GLT1D1: variants seen among roughly 807,000 people sequenced by gnomAD.
The protein encoded by GLT1D1 is glycosyltransferase 1 domain-containing protein 1.
GLT1D1 carries 21 observed loss-of-function variants against 28.7 expected under a neutral mutation model. The observed-to-expected ratio is 0.73, with a 90% CI of 0.52 to 1.05. GLT1D1 has a LOEUF of 1.05. Among genes scored for constraint, GLT1D1 ranks in the 50% least tolerant of loss-of-function variants. GLT1D1 has a pLI of 0.00. For synonymous variants in GLT1D1, 147 were observed against 124.8 expected, an observed-to-expected ratio of 1.18 and a Z score of -1.19; for missense variants, 343 against 330.6, an observed-to-expected ratio of 1.04 and a Z score of -0.29.
chr12:128,942,890 A>G (rs1875509906), intron 4 of GLT1D1, among the ~76,000 whole-genome samples: 1 of 151,944 alleles, frequency 6.6e-6, no homozygotes, highest in South Asian at 2.1e-4. Flanking sequence ...AGCTGGGGCT[A>G]CAGGCGCGCC....
intron 6 of GLT1D1, among the ~76,000 whole-genome samples, chr12:128,952,572 T>G (rs1876820710): frequency 6.6e-6 from 1 of 151,166 alleles, no homozygotes. Flanking sequence ...GTTCAAGTGA[T>G]TCTCCTGCCT....
chr12:128,865,560 C>A (rs1378018472), intron 1 of GLT1D1, among the ~76,000 whole-genome samples: 4 of 152,146 alleles, frequency 2.6e-5, no homozygotes, highest in Non-Finnish European at 4.4e-5. Context: ...CGGTGGCTCA[C>A]GCCTGTAATC....
At chr12:128,972,329 G>T (rs1006504260) in intron 7 of GLT1D1, among the ~76,000 whole-genome samples, 4 of 152,388 alleles carry the variant, frequency 2.6e-5, no homozygotes, top group African/African-American at 9.6e-5. Flanking sequence ...GTAGGTAGCT[G>T]CGGGAGAGAG....
intron 6 of GLT1D1, among the ~76,000 whole-genome samples, chr12:128,949,227 A>G (rs1876442280): frequency 1.3e-5 from 2 of 152,228 alleles, no homozygotes; most frequent in Non-Finnish European, 2.9e-5. Flanking sequence ...GAATGATTTT[A>G]TAACTAGCAC....
At chr12:128,866,432 C>T (rs1424249417) in intron 1 of GLT1D1, among the ~76,000 whole-genome samples, 1 of 151,808 alleles carries the variant, frequency 6.6e-6, no homozygotes, top group Non-Finnish European at 1.5e-5. Context: ...TTGAAATATA[C>T]AGTATGTTAT....
chr12:128,879,356 G>A (rs1956946634), intron 2 of GLT1D1, among the ~76,000 whole-genome samples: 2 of 141,902 alleles, frequency 1.4e-5, no homozygotes, highest in Non-Finnish European at 3.1e-5. Flanking sequence ...TTTCTGTAAA[G>A]TGATACTTAT....
At chr12:128,877,765 T>C (rs1053580987) in intron 2 of GLT1D1, among the ~76,000 whole-genome samples, 1 of 152,254 alleles carries the variant, frequency 6.6e-6, no homozygotes, top group Admixed American at 6.5e-5. Flanking sequence ...CCCAACTTAG[T>C]TGCTTATCGC....
At chr12:128,901,736 C>T (rs1259104428) in intron 4 of GLT1D1, among the ~76,000 whole-genome samples, 1 of 150,960 alleles carries the variant, frequency 6.6e-6, no homozygotes, top group Non-Finnish European at 1.5e-5. Context: ...TGCCTGGTCC[C>T]TCTTTTTTTT....
At chr12:128,911,816 C>T (rs1483159785) in intron 4 of GLT1D1, among the ~76,000 whole-genome samples, 3 of 152,046 alleles carry the variant, frequency 2.0e-5, no homozygotes, top group Non-Finnish European at 4.4e-5. Flanking sequence ...TATCCATATC[C>T]GTCATGCAAG....
intron 3 of GLT1D1, among the ~76,000 whole-genome samples, chr12:128,891,105 C>CA (rs63056260): frequency 0.38 from 44,323 of 115,478 alleles, 7,468 homozygotes; most frequent in Admixed American, 0.48. Flanking sequence ...GACACTGTCT[C>CA]AAAAAAAAAA....
chr12:128,878,085 A>G (rs1399395213), intron 2 of GLT1D1, among the ~76,000 whole-genome samples: 1 of 152,236 alleles, frequency 6.6e-6, no homozygotes, highest in African/African-American at 2.4e-5. Flanking sequence ...AAGTCAATAC[A>G]ACATGAATCC....
chr12:128,935,291 A>G (rs1230271266), intron 4 of GLT1D1, among the ~76,000 whole-genome samples: 1 of 152,118 alleles, frequency 6.6e-6, no homozygotes, highest in Non-Finnish European at 1.5e-5. Flanking sequence ...TCACGTCTGT[A>G]ATCCTTTTGG....
At chr12:128,980,220 G>A (rs553416344) in intron 7 of GLT1D1, among the ~76,000 whole-genome samples, 2 of 152,192 alleles carry the variant, frequency 1.3e-5, no homozygotes, top group African/African-American at 2.4e-5. Context: ...CGTCACAGGT[G>A]GGGGTGGCTG....
chr12:128,981,712 G>C (rs759306453), intron 7 of GLT1D1, among the ~76,000 whole-genome samples: 17 of 152,204 alleles, frequency 1.1e-4, no homozygotes, highest in Non-Finnish European at 2.4e-4. Context: ...CATGGGCTGT[G>C]GGGGAATAAC....
chr12:128,955,718 C>T (rs1877207159), intron 6 of GLT1D1, among the ~76,000 whole-genome samples: 1 of 152,032 alleles, frequency 6.6e-6, no homozygotes, highest in Non-Finnish European at 1.5e-5. Flanking sequence ...CATCCTATTT[C>T]CAGCTGGGAC....
At chr12:128,926,097 G>A (rs1010024081) in intron 4 of GLT1D1, among the ~76,000 whole-genome samples, 5 of 151,806 alleles carry the variant, frequency 3.3e-5, no homozygotes, top group African/African-American at 1.2e-4. Flanking sequence ...GGCTGAGGCA[G>A]GAGAATTGCT....
chr12:128,881,056 C>G (rs1311313804), intron 2 of GLT1D1, among the ~76,000 whole-genome samples: 2 of 151,026 alleles, frequency 1.3e-5, no homozygotes, highest in South Asian at 4.2e-4. Flanking sequence ...AACCCCGTCT[C>G]TACTAAAAAT....
chr12:128,853,947 C>T (rs1454761762), intron 1 of GLT1D1, among the ~76,000 whole-genome samples: 2 of 151,698 alleles, frequency 1.3e-5, no homozygotes, highest in African/African-American at 4.8e-5. Flanking sequence ...CCCGGGAAGG[C>T]CTCGCTGCAG....
chr12:128,876,485 TG>T (rs1024868483), intron 2 of GLT1D1, among the ~76,000 whole-genome samples: 2 of 151,906 alleles, frequency 1.3e-5, no homozygotes, highest in African/African-American at 2.4e-5. Flanking sequence ...TTTAAATTTT[TG>T]TTTTTTTTTT....
Sources: gnomAD v4.1 joint callset for allele counts (sites outside exome capture counted in the v4.1 genomes callset) on GRCh38, gnomAD v4.1.1 for gene constraint, MANE v1.5 for transcripts, NCBI Gene and HGNC (gene_info 2026-07-23, HGNC 2026-07-21) for gene names.